The following CSMD1 variants were observed in gnomAD, a reference collection of about 807,000 sequenced individuals.
The protein encoded by CSMD1 is CUB and sushi domain-containing protein 1.
CSMD1 carries 213 observed loss-of-function variants against 417.5 expected under a neutral mutation model. The observed-to-expected ratio is 0.51, with a 90% CI of 0.46 to 0.57. The LOEUF is 0.57. Ranked by LOEUF, CSMD1 falls within the 20% of genes least tolerant of loss-of-function variation. CSMD1 has a pLI of 0.00. For missense variants in CSMD1, 6,923 were observed against 4,529.7 expected (o/e 1.53, Z -15.17); for synonymous variants, 2,862 against 1,736.8 (o/e 1.65, Z -16.11).
chr8:4,071,102 G>T (rs1290624603), intron 3 of CSMD1, among the ~76,000 whole-genome samples: 1 of 152,108 alleles, frequency 6.6e-6, no homozygotes, highest in Non-Finnish European at 1.5e-5. Flanking sequence ...TCAGTTTACA[G>T]AGACTCTTGA....
intron 1 of CSMD1, among the ~76,000 whole-genome samples, chr8:4,774,370 C>A (rs900954923): frequency 6.6e-6 from 1 of 152,062 alleles, no homozygotes; most frequent in East Asian, 1.9e-4. Flanking sequence ...GATCAGAGAA[C>A]CAAAGCATTC....
intron 5 of CSMD1, among the ~76,000 whole-genome samples, chr8:3,756,029 C>A (rs868548561): frequency 6.6e-6 from 1 of 152,050 alleles, no homozygotes; most frequent in African/African-American, 2.4e-5. Flanking sequence ...GTCTGTGCCA[C>A]TCACCTGTAC....
chr8:4,758,266 A>T (rs1563309780), intron 1 of CSMD1, among the ~76,000 whole-genome samples: 1 of 152,168 alleles, frequency 6.6e-6, no homozygotes, highest in Non-Finnish European at 1.5e-5. Flanking sequence ...TGAAGGATTT[A>T]TATTTCAGCT....
intron 3 of CSMD1, among the ~76,000 whole-genome samples, chr8:4,271,947 C>CTCA (rs1393431517): frequency 6.6e-6 from 1 of 152,156 alleles, no homozygotes; most frequent in African/African-American, 2.4e-5. Flanking sequence ...CCCTACAGAT[C>CTCA]TCATGTATGG....
intron 40 of CSMD1, among the ~76,000 whole-genome samples, chr8:3,147,603 G>A (rs1818920805): frequency 6.6e-6 from 1 of 152,162 alleles, no homozygotes; most frequent in South Asian, 2.1e-4. Flanking sequence ...GAGGCTTCCT[G>A]CACACAGTAA....
At chr8:4,576,492 G>C (rs748655654) in intron 2 of CSMD1, among the ~76,000 whole-genome samples, 68 of 152,142 alleles carry the variant, frequency 4.5e-4, no homozygotes, top group Non-Finnish European at 8.2e-4. Context: ...TTCACATACA[G>C]TTTCTAATAA....
At chr8:3,573,981 T>A (rs573487902) in intron 10 of CSMD1, among the ~76,000 whole-genome samples, 2 of 152,270 alleles carry the variant, frequency 1.3e-5, no homozygotes, top group Non-Finnish European at 2.9e-5. Context: ...AAAAAATTCA[T>A]TTGATAGCCA....
chr8:3,772,379 T>TTAGA lies in CSMD1; in HGVS notation c.819-18338_819-18337insTCTA, dbSNP rs1563064092. On this transcript the variant is annotated intron_variant, in intron 5 of 69. Transcript: ENST00000635120. Reference sequence around the variant, plus strand: ...TTTATATATACATATATACATATATTCATATATTTATATATACACATATAT... The same window carrying TTAGA: ...TTTATATATACATATATACATATATTTAGACATATATTTATATATACACATATAT... Among the ~76,000 whole-genome samples the TTAGA allele has an allele frequency of 6.2e-4, 10 of 16,004 alleles. 1 individual carries two copies. The highest frequency in any genetic ancestry group is 1.3e-3 in the East Asian group (1 of 800). 10.5% of individuals were successfully genotyped at this position (16,004 alleles called of 152,430 possible). A position where few individuals can be genotyped will look rare whatever the true frequency, so the allele number is the denominator to read the frequency against.
At chr8:4,450,997 A>G (rs1013287064) in intron 2 of CSMD1, among the ~76,000 whole-genome samples, 2 of 147,014 alleles carry the variant, frequency 1.4e-5, no homozygotes, top group Non-Finnish European at 3.0e-5. Flanking sequence ...ATTGACAGCT[A>G]AGCTTTCTGT....
chr8:3,290,037 C>G (rs1803433486), intron 25 of CSMD1, among the ~76,000 whole-genome samples: 1 of 147,210 alleles, frequency 6.8e-6, no homozygotes, highest in Non-Finnish European at 1.5e-5. Flanking sequence ...TTTCAGCTTT[C>G]TACATATGGC....
intron 23 of CSMD1, among the ~76,000 whole-genome samples, chr8:3,328,567 G>C (rs1806687800): frequency 6.6e-6 from 1 of 152,172 alleles, no homozygotes; most frequent in Non-Finnish European, 1.5e-5. Context: ...CCACAGCAAT[G>C]ATCAGTTTCA....
Position 4,796,175 on chromosome 8 carries a change from G to C in CSMD1, c.86-158617C>G, listed in dbSNP as rs188308662. Reference sequence around the variant, plus strand: ...TCATCAAGGTGGTTTCGACAATGAAGGGAAGAAAATGCAGGAAGACCAGCT... The same window carrying C: ...TCATCAAGGTGGTTTCGACAATGAACGGAAGAAAATGCAGGAAGACCAGCT... On this transcript the variant is annotated intron_variant, in intron 1 of 69. Transcript: ENST00000635120. 3.3e-5 allele frequency among the ~76,000 whole-genome samples: 5 copies of C among 151,998 alleles called. No individual in the cohort carries two copies. In the East Asian group the frequency reaches 9.7e-4, roughly 30 times the overall value.
chr8:4,429,117 GT>G (rs1217774106), intron 2 of CSMD1, among the ~76,000 whole-genome samples: 27 of 151,318 alleles, frequency 1.8e-4, no homozygotes, highest in Admixed American at 6.6e-5. Flanking sequence ...CTGGTAATCA[GT>G]TTTTTTCTAT....
intron 5 of CSMD1, among the ~76,000 whole-genome samples, chr8:3,770,954 A>C (rs1378465009): frequency 6.6e-6 from 1 of 152,104 alleles, no homozygotes; most frequent in Non-Finnish European, 1.5e-5. Flanking sequence ...ATAGGAGGTA[A>C]GCAGAAATTG....
intron 55 of CSMD1, among the ~76,000 whole-genome samples, chr8:2,977,129 G>A (rs1002763376): frequency 3.3e-5 from 5 of 151,956 alleles, no homozygotes; most frequent in African/African-American, 1.2e-4. Flanking sequence ...TTTAAGTTCT[G>A]GGATGCATGT....
chr8:4,079,717 G>T (rs772714137), intron 3 of CSMD1, among the ~76,000 whole-genome samples: 1 of 152,286 alleles, frequency 6.6e-6, no homozygotes, highest in African/African-American at 2.4e-5. Flanking sequence ...TCCATAGTAT[G>T]AATAGCCCAA....
chr8:3,423,251 G>A (rs1563373773), intron 12 of CSMD1, among the ~76,000 whole-genome samples: 1 of 152,122 alleles, frequency 6.6e-6, no homozygotes, highest in African/African-American at 2.4e-5. Flanking sequence ...AAAGGTTATA[G>A]TCATGTATCC....
chr8:3,863,741 C>G (rs933984649), intron 5 of CSMD1, among the ~76,000 whole-genome samples: 1 of 152,000 alleles, frequency 6.6e-6, no homozygotes, highest in African/African-American at 2.4e-5. Flanking sequence ...GTTTTCATTT[C>G]AAATGTTAAA....
At chr8:4,477,539 GAC>G (rs1228189161) in intron 2 of CSMD1, among the ~76,000 whole-genome samples, 2 of 152,188 alleles carry the variant, frequency 1.3e-5, no homozygotes, top group Admixed American at 6.5e-5. Flanking sequence ...GATGCTCTAT[GAC>G]ACACACAGTT....
Sources: gnomAD v4.1 joint callset for allele counts (sites outside exome capture counted in the v4.1 genomes callset) on GRCh38, gnomAD v4.1.1 for gene constraint, MANE v1.5 for transcripts, NCBI Gene and HGNC (gene_info 2026-07-23, HGNC 2026-07-21) for gene names.